NDST3: variants seen among roughly 807,000 people sequenced by gnomAD.
NDST3 encodes N-deacetylase and N-sulfotransferase 3.
Under a neutral mutation model 96.1 loss-of-function variants are expected in NDST3, and 58 were observed. The observed-to-expected ratio is 0.60, with a 90% confidence interval of 0.49 to 0.75. The LOEUF is 0.75. NDST3 is among the 30% of genes least tolerant of loss of function. The pLI, the probability that NDST3 is intolerant of heterozygous loss-of-function variation, is 0.00. For missense variants in NDST3, 788 were observed against 1,034.2 expected (o/e 0.76, Z 3.27); for synonymous variants, 333 against 359.7 (o/e 0.93, Z 0.84).
intron 1 of NDST3, among the ~76,000 whole-genome samples, chr4:118,039,540 C>T (rs969295741): frequency 6.6e-6 from 1 of 152,090 alleles, no homozygotes. Context: ...AATTGCATAA[C>T]TAATTATAAC....
chr4:118,236,567 G>C (rs760661137), intron 9 of NDST3, among the ~76,000 whole-genome samples: 17 of 152,102 alleles, frequency 1.1e-4, no homozygotes, highest in Non-Finnish European at 2.4e-4. Context: ...GTGATTAAAC[G>C]TAACACCGGC....
intron 2 of NDST3, among the ~76,000 whole-genome samples, chr4:118,059,735 CAATT>C (rs1200556422): frequency 5.9e-5 from 9 of 152,054 alleles, no homozygotes; most frequent in Non-Finnish European, 1.3e-4. Context: ...CAACTGCAAT[CAATT>C]ATTCTGTCAT....
In NDST3 at chr4:118,137,769, G is replaced by A. The variant is rs144060301; in HGVS notation, c.1225-285G>A. On this transcript the variant is annotated intron_variant, in intron 4 of 13. Coordinates refer to ENST00000296499, the MANE Select transcript of NDST3 (RefSeq NM_004784.3). ...GGGCAATAGGAAAACAGGTGGCTAC[G>A]ACAAGGATGTGCAAAATAGAGGCTC... Among the ~76,000 whole-genome samples the A allele has an allele frequency of 2.4e-3, 372 of 152,190 alleles. 4 individuals carry two copies. Among genetic ancestry groups the A allele is most frequent in the African/African-American group, 8.6e-3 (357 of 41,536 alleles).
chr4:118,204,413 C>A lies in NDST3; in HGVS notation c.1540-20078C>A, dbSNP rs1738305257. ...TAAGCTCAGAGAGACTCCAGTGCAGCCACGTGGTGGAAGATTTACGGTCAC... is the reference window on the plus strand; with the variant it reads ...TAAGCTCAGAGAGACTCCAGTGCAGACACGTGGTGGAAGATTTACGGTCAC... On this transcript the variant is annotated intron_variant, in intron 6 of 13. Transcript: ENST00000296499. Among the ~76,000 whole-genome samples, 2 of 144,694 alleles carry A rather than the reference C, an allele frequency of 1.4e-5. 1 individual carries two copies. The highest frequency in any genetic ancestry group is 3.1e-5 in the Non-Finnish European group (2 of 65,300). The allele number at this position is 144,694 out of a possible 152,430, so 94.9% of individuals were successfully genotyped here. A position where few individuals can be genotyped will look rare whatever the true frequency, so the allele number is the denominator to read the frequency against.
At chr4:118,157,339 T>C (rs1368263821) in intron 6 of NDST3, among the ~76,000 whole-genome samples, 1 of 150,326 alleles carries the variant, frequency 6.7e-6, no homozygotes, top group Non-Finnish European at 1.5e-5. Flanking sequence ...ACATTTAAAA[T>C]GGGGGGATGG....
intron 13 of NDST3, among the ~76,000 whole-genome samples, chr4:118,254,492 G>C (rs112358123): frequency 6.6e-6 from 1 of 152,118 alleles, no homozygotes; most frequent in Non-Finnish European, 1.5e-5. Flanking sequence ...ATTCTGTTCA[G>C]AATGGAGACA....
intron 11 of NDST3, 101 bp downstream of exon 11, chr4:118,240,795 T>G: frequency 8.7e-7 from 1 of 1,144,610 alleles, no homozygotes; most frequent in Non-Finnish European, 1.2e-6. Context: ...ATTACTAGTT[T>G]TTCCTCTTTA....
At chr4:118,134,048 G>A (rs1349373421) in intron 4 of NDST3, among the ~76,000 whole-genome samples, 5 of 152,158 alleles carry the variant, frequency 3.3e-5, no homozygotes, top group East Asian at 3.8e-4. Flanking sequence ...TTTTAATGTC[G>A]ACTTCATTTA....
intron 4 of NDST3, among the ~76,000 whole-genome samples, chr4:118,131,904 C>T (rs1209046294): frequency 6.6e-6 from 1 of 152,048 alleles, no homozygotes; most frequent in African/African-American, 2.4e-5. Flanking sequence ...TTCTCCCAAA[C>T]AAACAGAGTC....
chr4:118,078,944 T>G (rs1377246307), intron 2 of NDST3, among the ~76,000 whole-genome samples: 1 of 152,192 alleles, frequency 6.6e-6, no homozygotes, highest in Non-Finnish European at 1.5e-5. Flanking sequence ...ATATTTACAC[T>G]ATTTTTTTTA....
At chr4:118,076,076 T>G (rs1727502740) in intron 2 of NDST3, among the ~76,000 whole-genome samples, 1 of 152,156 alleles carries the variant, frequency 6.6e-6, no homozygotes, top group East Asian at 1.9e-4. Context: ...TGGCTGGATA[T>G]GAGTTATTGG....
chr4:118,230,403 G>A (rs1026536088), intron 8 of NDST3, among the ~76,000 whole-genome samples: 2 of 151,918 alleles, frequency 1.3e-5, no homozygotes, highest in Non-Finnish European at 2.9e-5. Context: ...GTGAAATCCC[G>A]TCTCCACTAA....
intron 6 of NDST3, among the ~76,000 whole-genome samples, chr4:118,205,573 T>C: frequency 6.9e-6 from 1 of 144,614 alleles, no homozygotes; most frequent in South Asian, 2.3e-4. Flanking sequence ...CATAGGTGTT[T>C]ATTTCTTCAA....
rs1262144328 is a variant in NDST3, at chr4:118,224,484, T to C, written c.1540-7T>C. ...TATTTACACTGAAGTTCATTTGCTT[T>C]TTTCAGATCAGCATTTTCATGACCC... On this transcript the variant is annotated splice_polypyrimidine_tract_variant and splice_region_variant and intron_variant, in intron 6 of 13. Transcript: ENST00000296499. 6.3e-7 allele frequency: 1 copy of C among 1,594,642 alleles called. No homozygotes were observed. The highest frequency in any genetic ancestry group is 8.6e-7 in the Non-Finnish European group (1 of 1,169,080).
chr4:118,107,639 G>A (rs1014537367), intron 3 of NDST3, among the ~76,000 whole-genome samples: 1 of 152,020 alleles, frequency 6.6e-6, no homozygotes, highest in African/African-American at 2.4e-5. Context: ...TAAAAGAGGA[G>A]GTGAAATCTG....
At chr4:118,246,470 G>A (rs1741317865) in intron 12 of NDST3, among the ~76,000 whole-genome samples, 1 of 152,136 alleles carries the variant, frequency 6.6e-6, no homozygotes, top group Non-Finnish European at 1.5e-5. Flanking sequence ...GTTGGGCATG[G>A]TGGCAGGCAC....
chr4:118,049,842 C>G (rs140144980), intron 1 of NDST3, among the ~76,000 whole-genome samples: 11 of 151,890 alleles, frequency 7.2e-5, no homozygotes, highest in Non-Finnish European at 1.5e-4. Flanking sequence ...TGAAATTATT[C>G]CAAAAAATTG....
Position 118,115,602 on chromosome 4 carries a change from GTACACCATGTAA to G in NDST3, c.1224+646_1224+657del, listed in dbSNP as rs979659812. 1.4e-4 allele frequency among the ~76,000 whole-genome samples: 22 copies of G among 152,114 alleles called. 1 individual carries two copies. The highest frequency in any genetic ancestry group is 1.5e-5 in the Non-Finnish European group (1 of 68,004). On this transcript the variant is annotated intron_variant, in intron 4 of 13. Transcript: ENST00000296499. ...GGAACATTTGTTTGGCTGAAGCAAG[GTACACCATGTAA>G]TACTGAAGGGTTTATATTCAGGACA...
chr4:118,058,594 AGTGTGTGTGT>A (rs59628763), intron 2 of NDST3, among the ~76,000 whole-genome samples: 14 of 81,050 alleles, frequency 1.7e-4, no homozygotes, highest in African/African-American at 2.7e-4. Flanking sequence ...AGTCAGGAAA[AGTGTGTGTGT>A]GTGTGTGTGT....
Sources: gnomAD v4.1 joint callset for allele counts (sites outside exome capture counted in the v4.1 genomes callset) on GRCh38, gnomAD v4.1.1 for gene constraint, MANE v1.5 for transcripts, NCBI Gene and HGNC (gene_info 2026-07-23, HGNC 2026-07-21) for gene names.